The following NTNG1 variants were observed in gnomAD, a reference collection of about 807,000 sequenced individuals.
NTNG1 encodes the protein netrin-G1.
NTNG1 carries 16 observed loss-of-function variants against 54.0 expected under a neutral mutation model. That is an observed-to-expected ratio of 0.30 (90% CI 0.20 to 0.45). NTNG1 has a LOEUF of 0.45. Among genes scored for constraint, NTNG1 ranks in the 20% least tolerant of loss-of-function variants. The pLI is 1.00. For synonymous variants in NTNG1, 255 were observed against 263.1 expected (o/e 0.97, Z 0.30); for missense variants, 530 against 678.7 (o/e 0.78, Z 2.43).
intron 7 of NTNG1, among the ~76,000 whole-genome samples, chr1:107,456,070 A>C (rs1454424525): frequency 6.6e-6 from 1 of 152,182 alleles, no homozygotes; most frequent in Non-Finnish European, 1.5e-5. Context: ...TCCTATGATG[A>C]TGGGAGGCAG....
intron 7 of NTNG1, among the ~76,000 whole-genome samples, chr1:107,458,961 C>A (rs751431951): frequency 1.3e-4 from 20 of 152,094 alleles, no homozygotes; most frequent in Non-Finnish European, 1.8e-4. Context: ...CAGAAGGGAT[C>A]AAAACAGTTT....
chr1:107,355,088 A>G (rs1669857714), intron 3 of NTNG1, among the ~76,000 whole-genome samples: 1 of 151,988 alleles, frequency 6.6e-6, no homozygotes, highest in South Asian at 2.1e-4. Context: ...TATTTCTAGA[A>G]TTGTGTTTGG....
At position 107,319,743 on chromosome 1, in the gene NTNG1, C is replaced by T. The variant is rs1046431960; in HGVS notation, c.247-4539C>T. 4.6e-5 allele frequency among the ~76,000 whole-genome samples: 7 copies of T among 152,088 alleles called. No individual in the cohort carries two copies. The East Asian group carries it at 1.4e-3, about 29-fold the overall frequency. ...GCTTACAGTTCAGTGGCAAATCTCGCGTAAGAATTCTCTTCATTTTCAACT... is the reference window on the plus strand; with the variant it reads ...GCTTACAGTTCAGTGGCAAATCTCGTGTAAGAATTCTCTTCATTTTCAACT... On this transcript the variant is annotated intron_variant, in intron 2 of 7. Coordinates refer to ENST00000370068, the MANE Select transcript of NTNG1 (RefSeq NM_001113226.3).
At chr1:107,406,675 G>A (rs1172200183) in intron 4 of NTNG1, among the ~76,000 whole-genome samples, 1 of 152,120 alleles carries the variant, frequency 6.6e-6, no homozygotes, top group Non-Finnish European at 1.5e-5. Context: ...CTTGGTGAAT[G>A]AGCTATAACA....
At chr1:107,212,317 CTT>C (rs1659650783) in intron 2 of NTNG1, among the ~76,000 whole-genome samples, 1 of 152,140 alleles carries the variant, frequency 6.6e-6, no homozygotes, top group South Asian at 2.1e-4. Flanking sequence ...AGTGCTCACT[CTT>C]TGCCAGAGAC....
chr1:107,394,253 GCCTCAACAA>G (rs1672544924), intron 3 of NTNG1, among the ~76,000 whole-genome samples: 1 of 152,110 alleles, frequency 6.6e-6, no homozygotes, highest in Non-Finnish European at 1.5e-5. Flanking sequence ...ATATCCTGCT[GCCTCAACAA>G]ATATCAAGTT....
At chr1:107,315,045 C>T (rs902336214) in intron 2 of NTNG1, among the ~76,000 whole-genome samples, 2 of 152,140 alleles carry the variant, frequency 1.3e-5, no homozygotes, top group African/African-American at 2.4e-5. Context: ...AACTCTTGCT[C>T]GCTCCACAAC....
At chr1:107,173,437 C>T (rs923037490) in intron 2 of NTNG1, among the ~76,000 whole-genome samples, 2 of 152,020 alleles carry the variant, frequency 1.3e-5, no homozygotes, top group Admixed American at 6.6e-5. Flanking sequence ...TTGCTTGAGG[C>T]AGGGAAGAAG....
chr1:107,285,529 A>G (rs1665139145), intron 2 of NTNG1, among the ~76,000 whole-genome samples: 1 of 152,156 alleles, frequency 6.6e-6, no homozygotes, highest in South Asian at 2.1e-4. Flanking sequence ...GTGAGTGCTG[A>G]ATTTTATGGT....
intron 7 of NTNG1, among the ~76,000 whole-genome samples, chr1:107,448,892 A>G (rs1478257740): frequency 6.6e-6 from 1 of 152,092 alleles, no homozygotes; most frequent in East Asian, 1.9e-4. Flanking sequence ...TGATAGGTTA[A>G]TAATAAATAT....
chr1:107,236,287 A>G, intron 2 of NTNG1, among the ~76,000 whole-genome samples: 1 of 152,226 alleles, frequency 6.6e-6, no homozygotes, highest in East Asian at 1.9e-4. Flanking sequence ...ATGCCAACAT[A>G]GAATTCTACA....
Position 107,483,111 on chromosome 1 carries a change from G to A in NTNG1, c.*2271G>A, listed in dbSNP as rs1293608796. ...AGTTTGAGATTATTTATAATGAGGT[G>A]GATTTCTGATATTAAAATTAGAGTT... On this transcript the variant is annotated 3_prime_UTR_variant, in exon 8 of 8. Transcript: ENST00000370068. The A allele has an allele frequency of 6.6e-6, 1 of 152,078 alleles. No homozygotes were observed. The highest frequency in any genetic ancestry group is 1.5e-5 in the Non-Finnish European group (1 of 68,006). The allele number at this position is 152,078 out of a possible 1,614,324, so 9.4% of individuals were successfully genotyped here. A position where few individuals can be genotyped will look rare whatever the true frequency, so the allele number is the denominator to read the frequency against.
In NTNG1 at chr1:107,395,191, G is replaced by T; in HGVS notation, c.925G>T (p.Asp309Tyr). 1.9e-6 allele frequency: 3 copies of T among 1,613,450 alleles called. No homozygotes were observed. Among genetic ancestry groups the T allele is most frequent in the Non-Finnish European group, 2.5e-6 (3 of 1,179,554 alleles). Residue 309 changes from aspartate (D) to tyrosine (Y), a missense_variant, in exon 4 of 8, where the codon GAC (aspartate) becomes TAC (tyrosine). By Grantham distance (160) the Asp-to-Tyr change is radical. Transcript: ENST00000370068. ...CNLHATVCVY[D>Y]NSKLTCECEH... ...TCTCCATGCCACTGTATGTGTGTAT[G>T]ACAACAGCAAATTGACATGCGAATG... is the stretch of plus-strand genomic sequence containing the variant.
chr1:107,473,308 C>G (rs557939987), intron 7 of NTNG1, among the ~76,000 whole-genome samples: 7 of 152,234 alleles, frequency 4.6e-5, no homozygotes, highest in African/African-American at 1.7e-4. Context: ...TGAACAAAAC[C>G]CAGAGAAAAG....
chr1:107,336,937 G>A (rs967876371), intron 3 of NTNG1, among the ~76,000 whole-genome samples: 3 of 151,876 alleles, frequency 2.0e-5, no homozygotes, highest in East Asian at 1.9e-4. Flanking sequence ...CTTCACACCC[G>A]TCAGAATGAT....
intron 2 of NTNG1, among the ~76,000 whole-genome samples, chr1:107,219,693 A>G (rs1660215388): frequency 6.6e-6 from 1 of 152,122 alleles, no homozygotes; most frequent in African/African-American, 2.4e-5. Flanking sequence ...CAGTGGAGCT[A>G]CCCAGCTCTG....
At chr1:107,405,408 TGA>T in intron 4 of NTNG1, among the ~76,000 whole-genome samples, 1 of 152,230 alleles carries the variant, frequency 6.6e-6, no homozygotes. Context: ...AGGAACAGCC[TGA>T]ATTTTAAGCA....
At position 107,482,055 on chromosome 1, in the gene NTNG1, C is replaced by CAAAAAAAAAAAAAAAAAAAAAA. The variant is rs71098633; in HGVS notation, c.*1221_*1242dup. On this transcript the variant is annotated 3_prime_UTR_variant, in exon 8 of 8. Coordinates refer to ENST00000370068, the MANE Select transcript of NTNG1 (RefSeq NM_001113226.3). ...TTCCACTTGGGAAAAATTACAACAG[C>CAAAAAAAAAAAAAAAAAAAAAA]AAAAAAAAAAAAAAAAAAAAAAAAA... 5 of 114,466 alleles carry CAAAAAAAAAAAAAAAAAAAAAA rather than the reference C, an allele frequency of 4.4e-5. 1 individual carries two copies. Among genetic ancestry groups the CAAAAAAAAAAAAAAAAAAAAAA allele is most frequent in the African/African-American group, 6.7e-5 (2 of 29,904 alleles). 7.1% of individuals were successfully genotyped at this position (114,466 alleles called of 1,614,324 possible).
At chr1:107,472,614 A>G (rs1317729777) in intron 7 of NTNG1, among the ~76,000 whole-genome samples, 1 of 152,144 alleles carries the variant, frequency 6.6e-6, no homozygotes. Context: ...TGAGACCCAG[A>G]TCTCAGGTTT....
Sources: allele counts gnomAD v4.1 joint callset (sites outside exome capture counted in the v4.1 genomes callset), GRCh38; gene constraint gnomAD v4.1.1; transcripts MANE v1.5; gene names NCBI Gene and HGNC (gene_info 2026-07-23, HGNC 2026-07-21).